XKR6: variants seen among roughly 807,000 people sequenced by gnomAD.
XKR6 encodes XK related 6.
XKR6 carries 22 observed loss-of-function variants against 56.7 expected under a neutral mutation model. The observed-to-expected ratio is 0.39, with a 90% CI of 0.28 to 0.55. The LOEUF is 0.55. Among genes scored for constraint, XKR6 ranks in the 20% least tolerant of loss-of-function variants. The pLI, the probability that XKR6 is intolerant of heterozygous loss-of-function variation, is 0.66. For synonymous variants in XKR6, 524 were observed against 387.8 expected, an observed-to-expected ratio of 1.35 and a Z score of -4.13; for missense variants, 852 against 889.0, an observed-to-expected ratio of 0.96 and a Z score of 0.53.
chr8:11,111,292 G>A (rs1401653119), intron 1 of XKR6, among the ~76,000 whole-genome samples: 1 of 152,106 alleles, frequency 6.6e-6, no homozygotes, highest in Non-Finnish European at 1.5e-5. Flanking sequence ...AGAAGGAGGT[G>A]GCGGCTGGAG....
intron 1 of XKR6, among the ~76,000 whole-genome samples, chr8:11,069,408 C>T (rs896998434): frequency 2.6e-5 from 4 of 152,236 alleles, no homozygotes; most frequent in East Asian, 3.9e-4. Context: ...GTATCTCTCC[C>T]GCAAGGCCCT....
Position 10,952,150 on chromosome 8 carries a change from G to T in XKR6, c.765-27320C>A, listed in dbSNP as rs556475160. On this transcript the variant is annotated intron_variant, in intron 1 of 2. Coordinates refer to ENST00000416569, the MANE Select transcript of XKR6 (RefSeq NM_173683.4). ...GCCCCCATCCCCATCCCAGGCCTCAGCCCACCTGCCTCAGAGGCTGCCTCA... is the reference window on the plus strand; with the variant it reads ...GCCCCCATCCCCATCCCAGGCCTCATCCCACCTGCCTCAGAGGCTGCCTCA... 2.7e-4 allele frequency among the ~76,000 whole-genome samples: 41 copies of T among 152,254 alleles called. No homozygotes were observed. The South Asian group carries it at 8.3e-3, about 31-fold the overall frequency.
At chr8:10,952,784 C>G (rs1801764523) in intron 1 of XKR6, among the ~76,000 whole-genome samples, 1 of 152,288 alleles carries the variant, frequency 6.6e-6, no homozygotes, top group Non-Finnish European at 1.5e-5. Context: ...CCTCTTAGCA[C>G]AGGGCTCCCA....
At chr8:10,923,587 G>A (rs1800788488) in intron 2 of XKR6, among the ~76,000 whole-genome samples, 1 of 152,258 alleles carries the variant, frequency 6.6e-6, no homozygotes, top group African/African-American at 2.4e-5. Flanking sequence ...GGAGCCTACA[G>A]AGGGCCAGCT....
At chr8:11,118,564 C>T (rs1368234255) in intron 1 of XKR6, among the ~76,000 whole-genome samples, 1 of 152,172 alleles carries the variant, frequency 6.6e-6, no homozygotes, top group African/African-American at 2.4e-5. Context: ...GGCATTTATC[C>T]ATTTCTTCTA....
At chr8:11,005,786 C>T (rs1230022167) in intron 1 of XKR6, among the ~76,000 whole-genome samples, 2 of 150,816 alleles carry the variant, frequency 1.3e-5, no homozygotes, top group Non-Finnish European at 2.9e-5. Context: ...TTCATATCTA[C>T]AGTTTTCAAG....
At chr8:11,046,988 C>T (rs1799426030) in intron 1 of XKR6, among the ~76,000 whole-genome samples, 2 of 151,732 alleles carry the variant, frequency 1.3e-5, no homozygotes, top group African/African-American at 4.8e-5. Flanking sequence ...GTGCCAGGGG[C>T]TGGGGAGAAG....
intron 1 of XKR6, among the ~76,000 whole-genome samples, chr8:11,149,280 C>T (rs1321017369): frequency 6.6e-6 from 1 of 152,194 alleles, no homozygotes; most frequent in South Asian, 2.1e-4. Flanking sequence ...AGGCTACAAA[C>T]CTGCATGGCA....
chr8:11,074,509 G>A (rs991169429), intron 1 of XKR6, among the ~76,000 whole-genome samples: 7 of 152,166 alleles, frequency 4.6e-5, no homozygotes, highest in Admixed American at 6.5e-5. Context: ...ACACTATGCC[G>A]AATGTGGCAA....
chr8:10,956,495 A>G (rs773213161), intron 1 of XKR6, among the ~76,000 whole-genome samples: 38 of 152,136 alleles, frequency 2.5e-4, no homozygotes, highest in Non-Finnish European at 4.3e-4. Flanking sequence ...GAGAGGATGA[A>G]GGGCCCAGGC....
At chr8:11,038,497 T>TTGTGTGTGTGTGTGTG (rs34388531) in intron 1 of XKR6, among the ~76,000 whole-genome samples, 7 of 130,124 alleles carry the variant, frequency 5.4e-5, no homozygotes, top group Non-Finnish European at 1.1e-4. Context: ...TGTAGTCATT[T>TTGTGTGTGTGTGTGTG]TGTGTGTGTG....
chr8:11,059,057 G>A (rs932817522), intron 1 of XKR6, among the ~76,000 whole-genome samples: 2 of 151,818 alleles, frequency 1.3e-5, no homozygotes, highest in Non-Finnish European at 2.9e-5. Context: ...AAGCGGGGCA[G>A]GACCAGGCTC....
At chr8:11,074,236 ACAGGGAACTG>A (rs1190575243) in intron 1 of XKR6, among the ~76,000 whole-genome samples, 5 of 152,196 alleles carry the variant, frequency 3.3e-5, no homozygotes. Flanking sequence ...GAGCCAGGCC[ACAGGGAACTG>A]CAGAAGCTGC....
intron 1 of XKR6, among the ~76,000 whole-genome samples, chr8:11,097,348 T>A (rs1346021956): frequency 6.6e-6 from 1 of 152,192 alleles, no homozygotes; most frequent in East Asian, 1.9e-4. Flanking sequence ...AATGCAAACA[T>A]TCCACGAGAA....
chr8:11,109,902 A>C (rs999147057), intron 1 of XKR6, among the ~76,000 whole-genome samples: 4 of 152,238 alleles, frequency 2.6e-5, no homozygotes, highest in African/African-American at 7.2e-5. Context: ...GAAAATGACT[A>C]AACAGCCAAT....
chr8:11,024,793 G>A (rs1398400909), intron 1 of XKR6, among the ~76,000 whole-genome samples: 8 of 152,240 alleles, frequency 5.3e-5, no homozygotes, highest in Non-Finnish European at 1.0e-4. Flanking sequence ...AGACAGTGCA[G>A]ACTAGCAGAC....
At chr8:11,126,175 TCTC>T (rs1799784022) in intron 1 of XKR6, 1 of 152,216 alleles carries the variant, frequency 6.6e-6, no homozygotes, top group Non-Finnish European at 1.5e-5. Context: ...TTCAAACTAT[TCTC>T]CTGCCTCAGC....
chr8:11,059,728 C>T (rs1185217400), intron 1 of XKR6, among the ~76,000 whole-genome samples: 1 of 150,234 alleles, frequency 6.7e-6, no homozygotes, highest in Non-Finnish European at 1.5e-5. Context: ...CTCCCCGGCC[C>T]GCGCCCCCCG....
intron 1 of XKR6, among the ~76,000 whole-genome samples, chr8:10,942,209 C>T (rs1554512926): frequency 6.6e-6 from 1 of 152,158 alleles, no homozygotes; most frequent in Non-Finnish European, 1.5e-5. Context: ...TCACAATATG[C>T]ATACACTTTA....
Sources: gnomAD v4.1 joint callset for allele counts (sites outside exome capture counted in the v4.1 genomes callset) on GRCh38, gnomAD v4.1.1 for gene constraint, MANE v1.5 for transcripts, NCBI Gene and HGNC (gene_info 2026-07-23, HGNC 2026-07-21) for gene names.